Variants in VPS50 observed in about 807,000 individuals in gnomAD.
VPS50 encodes syndetin.
VPS50 carries 70 observed loss-of-function variants against 139.7 expected under a neutral mutation model. That is an observed-to-expected ratio of 0.50 (90% CI 0.41 to 0.61). The LOEUF is 0.61. VPS50 is among the 20% of genes least tolerant of loss of function. VPS50 has a pLI of 0.00. For synonymous variants in VPS50, 365 were observed against 376.7 expected (o/e 0.97, Z 0.36); for missense variants, 921 against 1,133.7 (o/e 0.81, Z 2.69).
intron 21 of VPS50, 63 bp from the exon 22 acceptor site, chr7:93,334,054 T>C (rs1798006798): frequency 6.6e-6 from 6 of 912,766 alleles, no homozygotes; most frequent in Non-Finnish European, 8.9e-6. Flanking sequence ...CTTGGTTAAT[T>C]TGAAGATGTA....
At chr7:93,281,048 CAT>C (rs1796312936) in intron 12 of VPS50, among the ~76,000 whole-genome samples, 1 of 152,086 alleles carries the variant, frequency 6.6e-6, no homozygotes, top group African/African-American at 2.4e-5. Flanking sequence ...ATTGGATTGC[CAT>C]ATTTGTCTCC....
At chr7:93,265,846 C>T (rs987511142) in intron 9 of VPS50, among the ~76,000 whole-genome samples, 4 of 152,132 alleles carry the variant, frequency 2.6e-5, no homozygotes, top group South Asian at 2.1e-4. Context: ...GGATTACAAG[C>T]GTGAGCCACT....
chr7:93,337,345 G>A (rs1466970752), intron 22 of VPS50, among the ~76,000 whole-genome samples: 1 of 152,126 alleles, frequency 6.6e-6, no homozygotes, highest in African/African-American at 2.4e-5. Flanking sequence ...GCACTAAGGA[G>A]GTAGTTAGGT....
At position 93,305,077 on chromosome 7, in the gene VPS50, G is replaced by C. The variant is rs376970254; in HGVS notation, c.1453-751G>C. 7.2e-5 allele frequency among the ~76,000 whole-genome samples: 11 copies of C among 151,972 alleles called. No individual in the cohort carries two copies. The East Asian group carries it at 1.2e-3, about 16-fold the overall frequency. On this transcript the variant is annotated intron_variant, in intron 17 of 27. Coordinates refer to ENST00000305866, the MANE Select transcript of VPS50 (RefSeq NM_017667.4). ...CTGTTTAGATAAAAGAAAAATGTTT[G>C]TTAAATTTTGTGATAAATCATTAAA... is the stretch of plus-strand genomic sequence containing the variant.
At chr7:93,357,267 T>C (rs887262238) in intron 27 of VPS50, among the ~76,000 whole-genome samples, 3 of 152,172 alleles carry the variant, frequency 2.0e-5, no homozygotes, top group Admixed American at 2.0e-4. Flanking sequence ...TGATGCCCGT[T>C]TTTTGAATTT....
chr7:93,253,783 G>A (rs1795405587), intron 3 of VPS50, 77 bp from the exon 4 acceptor site: 2 of 789,870 alleles, frequency 2.5e-6, no homozygotes, highest in Non-Finnish European at 4.3e-6. Flanking sequence ...TAGTTCACTA[G>A]TCAGAAGGGT....
rs1471571154 is a variant in VPS50, at chr7:93,294,773, A to C, written c.1167+137A>C. 11 of 671,676 alleles carry C rather than the reference A, an allele frequency of 1.6e-5. No homozygotes were observed. The African/African-American group carries it at 1.9e-4, about 11-fold the overall frequency. The allele number at this position is 671,676 out of a possible 1,614,324, so 41.6% of individuals were successfully genotyped here. ...ATATGTTTCTGTTTGGAATTAGGCT[A>C]TCATTTAATTTCTGTAATGTATTTG... On this transcript the variant is annotated intron_variant, in intron 14 of 27. Coordinates refer to ENST00000305866, the MANE Select transcript of VPS50 (RefSeq NM_017667.4).
In VPS50 at chr7:93,253,863, C is replaced by T; in HGVS notation, c.229C>T (p.Leu77Phe). ...TTTCATGAATTTTTTTCTGTAGAAGCTTCCACCTGTTCTCAATTTGCAAGA... is the reference window on the plus strand; with the variant it reads ...TTTCATGAATTTTTTTCTGTAGAAGTTTCCACCTGTTCTCAATTTGCAAGA... ...FDIVKYELEK[L>F]PPVLNLQELE... The change falls in exon 4 of 28, where the codon CTT becomes TTT. Residue 77 changes from leucine (L) to phenylalanine (F), a missense_variant. Leu to Phe is a conservative substitution (Grantham distance 22). This residue lies in a region of VPS50 where 744 missense variants were observed against 930.6 expected (regional missense o/e 0.80). Coordinates refer to ENST00000305866, the MANE Select transcript of VPS50 (RefSeq NM_017667.4). The T allele has an allele frequency of 6.3e-7, 1 of 1,580,972 alleles. No individual in the cohort carries two copies. The highest frequency in any genetic ancestry group is 1.3e-5 in the African/African-American group (1 of 74,160).
intron 12 of VPS50, 193 bp downstream of exon 12, chr7:93,276,498 G>T: frequency 1.2e-6 from 1 of 849,516 alleles, no homozygotes; most frequent in Non-Finnish European, 1.6e-6. Flanking sequence ...AATGGTAAAG[G>T]TTACTGAGAT....
chr7:93,248,093 T>C (rs1205107257), intron 2 of VPS50, among the ~76,000 whole-genome samples: 2 of 151,922 alleles, frequency 1.3e-5, no homozygotes, highest in African/African-American at 2.4e-5. Flanking sequence ...TACTATGTAT[T>C]TATTAATTAT....
At chr7:93,317,975 G>GA (rs891340969) in intron 20 of VPS50, among the ~76,000 whole-genome samples, 2 of 151,326 alleles carry the variant, frequency 1.3e-5, no homozygotes, top group Non-Finnish European at 2.9e-5. Flanking sequence ...TATCGTTTAA[G>GA]AAAAAAATAT....
chr7:93,353,583 G>T, intron 25 of VPS50, 57 bp from the exon 26 acceptor site: 1 of 1,545,496 alleles, frequency 6.5e-7, no homozygotes, highest in Non-Finnish European at 8.7e-7. Flanking sequence ...ATTTTTATGG[G>T]AAAGCATTGT....
intron 20 of VPS50, among the ~76,000 whole-genome samples, chr7:93,311,913 G>A (rs1797280265): frequency 6.6e-6 from 1 of 151,956 alleles, no homozygotes; most frequent in Non-Finnish European, 1.5e-5. Flanking sequence ...TGACAAATAA[G>A]TTATAGAGAT....
intron 20 of VPS50, among the ~76,000 whole-genome samples, chr7:93,312,958 G>A (rs1797313931): frequency 6.6e-6 from 1 of 152,160 alleles, no homozygotes; most frequent in African/African-American, 2.4e-5. Context: ...AGATTATGTT[G>A]AAGTAACAAG....
chr7:93,285,475 G>A lies in VPS50; in HGVS notation c.943-6228G>A, dbSNP rs185503334. Reference sequence around the variant, plus strand: ...CAAAAGACTAGCAGCTTTTCCTCCCGTATTTACTACTTTACTTTGCATTTA... The same window carrying A: ...CAAAAGACTAGCAGCTTTTCCTCCCATATTTACTACTTTACTTTGCATTTA... On this transcript the variant is annotated intron_variant, in intron 12 of 27. Coordinates refer to ENST00000305866, the MANE Select transcript of VPS50 (RefSeq NM_017667.4). 2.8e-4 allele frequency among the ~76,000 whole-genome samples: 43 copies of A among 152,120 alleles called. No individual in the cohort carries two copies. The South Asian group carries it at 7.1e-3, about 25-fold the overall frequency.
chr7:93,343,687 T>C (rs992799521), intron 23 of VPS50, among the ~76,000 whole-genome samples: 2 of 151,990 alleles, frequency 1.3e-5, no homozygotes, highest in Admixed American at 1.3e-4. Context: ...TTCAACATTC[T>C]TAAAAGAATT....
At chr7:93,256,607 TTGAG>T in intron 5 of VPS50, 45 bp downstream of exon 5, 10 of 998,960 alleles carry the variant, frequency 1.0e-5, no homozygotes, top group Non-Finnish European at 1.5e-5. Context: ...TTTTAAATGT[TTGAG>T]TGATTTACAC....
At chr7:93,355,283 T>A (rs1211216840) in intron 26 of VPS50, among the ~76,000 whole-genome samples, 6 of 152,132 alleles carry the variant, frequency 3.9e-5, no homozygotes, top group Admixed American at 3.3e-4. Context: ...AGTGTTGTAT[T>A]GTTAGGGTTT....
Position 93,360,865 on chromosome 7 carries a change from CAG to C in VPS50, c.*2433_*2434del, listed in dbSNP as rs760545506. On this transcript the variant is annotated 3_prime_UTR_variant, in exon 28 of 28. Transcript: ENST00000305866. The stretch of plus-strand genomic sequence containing the variant: ...AGTTTGCTTTGGTTTATAAAACCAA[CAG>C]AGATTTTGTAAGTTCACTTTAACTA... 1.1e-4 allele frequency: 17 copies of C among 152,032 alleles called. No individual in the cohort carries two copies. Among genetic ancestry groups the C allele is most frequent in the South Asian group, 2.1e-4 (1 of 4,826 alleles). The allele number at this position is 152,032 out of a possible 1,614,324, so 9.4% of individuals were successfully genotyped here.
Sources: gnomAD v4.1 joint callset for allele counts (sites outside exome capture counted in the v4.1 genomes callset) on GRCh38, gnomAD v4.1.1 for gene constraint, gnomAD v4.1.1 regional missense constraint, MANE v1.5 for transcripts, NCBI Gene and HGNC (gene_info 2026-07-23, HGNC 2026-07-21) for gene names.